Variants in MTMR6 observed in about 807,000 individuals in gnomAD.
MTMR6 encodes myotubularin related protein 6.
MTMR6 carries 47 observed loss-of-function variants against 80.1 expected under a neutral mutation model. The observed-to-expected ratio is 0.59, with a 90% CI of 0.46 to 0.75. The LOEUF is 0.75. MTMR6 is among the 30% of genes least tolerant of loss of function. The pLI is 0.00. For missense variants in MTMR6, 629 were observed against 730.9 expected (o/e 0.86, Z 1.61); for synonymous variants, 254 against 253.0 (o/e 1.00, Z -0.04).
chr13:25,253,635 T>C (rs1299372040), intron 11 of MTMR6, 129 bp downstream of exon 11: 5 of 819,470 alleles, frequency 6.1e-6, no homozygotes, highest in Non-Finnish European at 9.3e-6. Flanking sequence ...GCTTTAGAAA[T>C]ACAAAAAATA....
Position 25,252,411 on chromosome 13 carries a change from A to T in MTMR6, c.1347-427T>A, listed in dbSNP as rs1342900802. Among the ~76,000 whole-genome samples the T allele has an allele frequency of 2.6e-5, 4 of 152,236 alleles. No individual in the cohort carries two copies. In the East Asian group the frequency reaches 5.8e-4, roughly 22 times the overall value. On this transcript the variant is annotated intron_variant, in intron 11 of 13. Transcript: ENST00000381801. ...GTATCATAGGGCAGGAGCACACGTA[A>T]GTGTGAGTGGGTACAAAAAGGGAAC...
chr13:25,272,810 C>T (rs982238314), intron 2 of MTMR6, among the ~76,000 whole-genome samples: 4 of 152,104 alleles, frequency 2.6e-5, no homozygotes, highest in African/African-American at 9.7e-5. Flanking sequence ...GAATATGCAC[C>T]ACTTTTTCTT....
rs76317728 is a variant in MTMR6, at chr13:25,251,945, C to T, written c.1386G>A (p.Leu462=). The T allele has an allele frequency of 7.5e-6, 12 of 1,610,486 alleles. No homozygotes were observed. Among genetic ancestry groups the T allele is most frequent in the African/African-American group, 4.0e-5 (3 of 74,660 alleles). The change falls in exon 12 of 14, where the codon TTG becomes TTA. Residue 462 remains leucine (L), a synonymous_variant. Transcript: ENST00000381801. The surrounding 1 kb of genome is among the most constrained non-coding windows in gnomAD (Gnocchi z 4.1). ...EKTYSLWPFL[L]EDQKKYLNPL... ...GATTTAAGTACTTCTTTTGGTCTTC[C>T]AAAAGAAATGGCCACAGGGAATAAG...
chr13:25,249,148 AATTCCTTTTGGTTATGCTT>A lies in MTMR6; in HGVS notation c.*65_*83del, dbSNP rs1250165672. 1.2e-5 allele frequency: 17 copies of A among 1,461,726 alleles called. No individual in the cohort carries two copies. In the African/African-American group the frequency reaches 2.3e-4, roughly 19 times the overall value. 90.5% of individuals were successfully genotyped at this position (1,461,726 alleles called of 1,614,324 possible). ...TAAACCCTAAAATTGTTATTAGACAAATTCCTTTTGGTTATGCTTACAGACCATCCTCACAATAATCCTT... is the reference window on the plus strand; with the variant it reads ...TAAACCCTAAAATTGTTATTAGACAAACAGACCATCCTCACAATAATCCTT... On this transcript the variant is annotated 3_prime_UTR_variant, in exon 14 of 14. Transcript: ENST00000381801.
intron 5 of MTMR6, among the ~76,000 whole-genome samples, chr13:25,262,947 A>C (rs1300302814): frequency 6.6e-6 from 1 of 152,258 alleles, no homozygotes; most frequent in African/African-American, 2.4e-5. Context: ...AAGAGAGGCC[A>C]TAACCATTTA....
rs1240776296 is a variant in MTMR6 at position 25,251,794 on chromosome 13, T to C, written c.1479-19A>G. On this transcript the variant is annotated intron_variant, in intron 12 of 13. Transcript: ENST00000381801. This position sits in a 1 kb window ranked among gnomAD's most constrained non-coding sequence, Gnocchi z 4.1. ...CCAAAACCTTTATGACAAAAAAAAG[T>C]TTCAATAAATTGTGTTTGAGAAAAT... is the stretch of plus-strand genomic sequence containing the variant. 6.2e-7 allele frequency: 1 copy of C among 1,602,734 alleles called. No homozygotes were observed. The highest frequency in any genetic ancestry group is 8.5e-7 in the Non-Finnish European group (1 of 1,177,108).
At chr13:25,254,565 A>G in intron 9 of MTMR6, 131 bp from the exon 10 acceptor site, 1 of 662,696 alleles carries the variant, frequency 1.5e-6, no homozygotes, top group Non-Finnish European at 2.6e-6. Flanking sequence ...AGCACAAAAA[A>G]CCACAGGCAA....
At position 25,267,797 on chromosome 13, in the gene MTMR6, G is replaced by T; in HGVS notation, c.286C>A (p.Leu96Ile). The change falls in exon 3 of 14, where the codon CTA becomes ATA. Residue 96 changes from leucine to isoleucine, a missense_variant. Physicochemically the swap from Leu to Ile is conservative, Grantham distance 5 (BLOSUM62 2). Coordinates refer to ENST00000381801, the MANE Select transcript of MTMR6 (RefSeq NM_004685.5). ...ACAATACCTTGTTTTGACAGTTGTA[G>T]CAAAGAGTTGTAAATATCATGGCAA... is the stretch of plus-strand genomic sequence containing the variant. ...RDCHDIYNSL[L>I]QLSKQAKYED... is the part of the protein sequence containing the mutation. 6.2e-7 allele frequency: 1 copy of T among 1,613,430 alleles called. No individual in the cohort carries two copies. The highest frequency in any genetic ancestry group is 1.3e-5 in the African/African-American group (1 of 75,026).
chr13:25,282,527 C>T (rs183478707), intron 1 of MTMR6, among the ~76,000 whole-genome samples: 3 of 152,160 alleles, frequency 2.0e-5, no homozygotes, highest in Admixed American at 6.5e-5. Context: ...TGTCACCTTC[C>T]CATCTGTGCT....
In MTMR6 at chr13:25,280,045, G is replaced by T. The variant is rs187320575; in HGVS notation, c.25-5858C>A. Among the ~76,000 whole-genome samples the T allele has an allele frequency of 1.9e-3, 289 of 152,296 alleles. 3 individuals are homozygous for T. The highest frequency in any genetic ancestry group is 6.2e-3 in the African/African-American group (259 of 41,552). On this transcript the variant is annotated intron_variant, in intron 1 of 13. Transcript: ENST00000381801. ...GACTGGCTGATATAATTAGGGCCTG[G>T]AGTAAGCTGTGACAGAGAGGAAGTC... is the stretch of plus-strand genomic sequence containing the variant.
intron 5 of MTMR6, 88 bp downstream of exon 5, chr13:25,265,731 C>CAAAA: frequency 7.4e-6 from 9 of 1,214,792 alleles, no homozygotes; most frequent in African/African-American, 1.8e-5. Flanking sequence ...GACCCTATCT[C>CAAAA]AAAAAAAAAA....
At position 25,257,857 on chromosome 13, in the gene MTMR6, A is replaced by T. The variant is rs767643654; in HGVS notation, c.860-12T>A. 21 of 1,578,980 alleles carry T rather than the reference A, an allele frequency of 1.3e-5. No individual in the cohort carries two copies. The highest frequency in any genetic ancestry group is 1.7e-5 in the Non-Finnish European group (20 of 1,152,306). ...TTTAGTGCCATTGACTGAAAGAGGT[A>T]TAAAAATATTTCAATTAGAATATGG... On this transcript the variant is annotated splice_polypyrimidine_tract_variant and intron_variant, in intron 7 of 13. Coordinates refer to ENST00000381801, the MANE Select transcript of MTMR6 (RefSeq NM_004685.5).
intron 1 of MTMR6, among the ~76,000 whole-genome samples, chr13:25,276,097 T>G (rs941786066): frequency 6.6e-6 from 1 of 152,198 alleles, no homozygotes; most frequent in African/African-American, 2.4e-5. Context: ...TACTGTTTAC[T>G]CCTCTTCATT....
chr13:25,274,939 GAC>G (rs1555250640), intron 1 of MTMR6, among the ~76,000 whole-genome samples: 79 of 43,004 alleles, frequency 1.8e-3, no homozygotes, highest in African/African-American at 3.6e-3. Flanking sequence ...CTAGTAGACA[GAC>G]ACACACACAC....
chr13:25,266,279 A>G lies in MTMR6; in HGVS notation c.312T>C (p.Tyr104=), dbSNP rs930112412. 6.8e-6 allele frequency: 11 copies of G among 1,609,606 alleles called. No homozygotes were observed. Among genetic ancestry groups the G allele is most frequent in the African/African-American group, 1.3e-5 (1 of 74,756 alleles). Residue 104 remains tyrosine (Y), a synonymous_variant, in exon 4 of 14, where the codon TAT becomes TAC. Transcript: ENST00000381801. ...TATAAGAAAATGCATAGAGATCTTCATATTTTGCTACAGAATACAAAATTT... is the reference window on the plus strand; with the variant it reads ...TATAAGAAAATGCATAGAGATCTTCGTATTTTGCTACAGAATACAAAATTT... ...SLLQLSKQAK[Y]EDLYAFSYNP... is the part of the protein sequence containing the mutation.
At chr13:25,285,533 C>A (rs1421951533) in intron 1 of MTMR6, among the ~76,000 whole-genome samples, 1 of 150,950 alleles carries the variant, frequency 6.6e-6, no homozygotes, top group African/African-American at 2.4e-5. Flanking sequence ...CCACCCCACC[C>A]GGCTTTCTTT....
At chr13:25,269,538 AATC>A (rs1957524411) in intron 2 of MTMR6, among the ~76,000 whole-genome samples, 1 of 152,132 alleles carries the variant, frequency 6.6e-6, no homozygotes, top group African/African-American at 2.4e-5. Flanking sequence ...ATAGGCTCCT[AATC>A]ATGCAAGAGA....
At chr13:25,267,643 G>A (rs1297959529) in intron 3 of MTMR6, 136 bp downstream of exon 3, 3 of 778,998 alleles carry the variant, frequency 3.9e-6, no homozygotes, top group Admixed American at 3.0e-5. Flanking sequence ...AGGCCAATAT[G>A]GGGGAGATAG....
intron 1 of MTMR6, among the ~76,000 whole-genome samples, chr13:25,278,595 C>T (rs1957776098): frequency 6.6e-6 from 1 of 151,104 alleles, no homozygotes; most frequent in Non-Finnish European, 1.5e-5. Flanking sequence ...CACCTGTAAT[C>T]CCAGCTACTC....
Sources: allele counts gnomAD v4.1 joint callset (sites outside exome capture counted in the v4.1 genomes callset), GRCh38; gene constraint gnomAD v4.1.1; non-coding constraint Gnocchi (gnomAD v3.1); transcripts MANE v1.5; gene names NCBI Gene and HGNC (gene_info 2026-07-23, HGNC 2026-07-21).